Variants in HNF4G observed in about 807,000 individuals in gnomAD.
HNF4G encodes hepatocyte nuclear factor 4 gamma, also known as hepatocyte nuclear factor 4-gamma.
Under a neutral mutation model 50.9 loss-of-function variants are expected in HNF4G, and 21 were observed. The ratio of observed to expected loss-of-function variants is 0.41; its 90% CI spans 0.29 to 0.59. The LOEUF (loss-of-function observed/expected upper bound fraction) is 0.59, where lower values mean the gene tolerates loss of function less well. Ranked by LOEUF, HNF4G falls within the 20% of genes least tolerant of loss-of-function variation. HNF4G has a pLI of 0.26. For synonymous variants in HNF4G, 198 were observed against 185.6 expected, an observed-to-expected ratio of 1.07 and a Z score of -0.54; for missense variants, 527 against 559.4, an observed-to-expected ratio of 0.94 and a Z score of 0.58.
At chr8:75,435,588 A>T (rs1475850353) in intron 1 of HNF4G, among the ~76,000 whole-genome samples, 3 of 152,114 alleles carry the variant, frequency 2.0e-5, no homozygotes, top group Non-Finnish European at 4.4e-5. Context: ...TGAAAAGAAA[A>T]AAGTAATTTT....
chr8:75,556,594 TG>T (rs1488627951), intron 6 of HNF4G, among the ~76,000 whole-genome samples: 1 of 152,018 alleles, frequency 6.6e-6, no homozygotes, highest in East Asian at 1.9e-4. Context: ...ATAATAGGTG[TG>T]GGGTGGTGGG....
At position 75,540,994 on chromosome 8, in the gene HNF4G, T is replaced by C. The variant is rs575960490; in HGVS notation, c.118+914T>C. The stretch of plus-strand genomic sequence containing the variant: ...TCTATTTTTAATAAGCAGTTCCTTA[T>C]TAGTGGGGATTTTAAAAAATAGTCA... On this transcript the variant is annotated intron_variant, in intron 1 of 9. Transcript: ENST00000396423. Among the ~76,000 whole-genome samples the C allele has an allele frequency of 5.3e-5, 8 of 152,062 alleles. No individual in the cohort carries two copies. In the East Asian group the frequency reaches 1.4e-3, roughly 26 times the overall value.
intron 2 of HNF4G, among the ~76,000 whole-genome samples, chr8:75,500,646 A>G (rs1209767540): frequency 1.3e-5 from 2 of 152,150 alleles, no homozygotes; most frequent in Non-Finnish European, 2.9e-5. Flanking sequence ...GGATAAGAAA[A>G]TGGGTTATAT....
intron 1 of HNF4G, among the ~76,000 whole-genome samples, chr8:75,458,733 G>T (rs912323464): frequency 2.6e-5 from 4 of 152,044 alleles, no homozygotes; most frequent in Admixed American, 1.3e-4. Context: ...GCATAGTTCA[G>T]GTTGCGTCAA....
intron 1 of HNF4G, among the ~76,000 whole-genome samples, chr8:75,418,708 G>A (rs1210687545): frequency 6.8e-6 from 1 of 147,004 alleles, no homozygotes; most frequent in Non-Finnish European, 1.5e-5. Flanking sequence ...CTAGTGATAA[G>A]TCTCTCTCTC....
At chr8:75,473,915 T>G (rs1435702728) in intron 1 of HNF4G, among the ~76,000 whole-genome samples, 1 of 151,276 alleles carries the variant, frequency 6.6e-6, no homozygotes, top group Non-Finnish European at 1.5e-5. Flanking sequence ...GTGAACAATT[T>G]CACAGAAGGG....
chr8:75,443,505 A>C (rs937725454), intron 1 of HNF4G, among the ~76,000 whole-genome samples: 1 of 152,176 alleles, frequency 6.6e-6, no homozygotes, highest in Non-Finnish European at 1.5e-5. Flanking sequence ...GAATTCTATA[A>C]AATTTAAAGT....
rs1812704340 is a variant in HNF4G at position 75,494,207 on chromosome 8, CA to C, written c.-24+4000del. ...TGAGATTATAAACATGTATTCAATA[CA>C]TTCACAAGCAGCATGAAATAAATGA... On this transcript the variant is annotated intron_variant, in intron 2 of 10. Transcript: ENST00000354370. 4.6e-5 allele frequency among the ~76,000 whole-genome samples: 7 copies of C among 151,864 alleles called. No individual in the cohort carries two copies. The South Asian group carries it at 1.3e-3, about 27-fold the overall frequency.
intron 5 of HNF4G, 135 bp from the exon 6 acceptor site, chr8:75,555,847 A>G: frequency 2.3e-6 from 1 of 429,452 alleles, no homozygotes; most frequent in Non-Finnish European, 4.2e-6. Flanking sequence ...TAATGATGGC[A>G]TGTATCTATG....
At chr8:75,451,712 T>G (rs2130580617) in intron 1 of HNF4G, among the ~76,000 whole-genome samples, 1 of 152,356 alleles carries the variant, frequency 6.6e-6, no homozygotes, top group East Asian at 1.9e-4. Flanking sequence ...GTGCTTATTT[T>G]TATGCCAGCA....
intron 2 of HNF4G, among the ~76,000 whole-genome samples, chr8:75,492,477 G>A (rs990026402): frequency 2.6e-5 from 4 of 152,160 alleles, no homozygotes; most frequent in East Asian, 1.9e-4. Flanking sequence ...CCAGATGGGA[G>A]CATTATTGTG....
chr8:75,549,635 T>G (rs1806888599), intron 3 of HNF4G, among the ~76,000 whole-genome samples: 1 of 151,574 alleles, frequency 6.6e-6, no homozygotes, highest in African/African-American at 2.4e-5. Context: ...ATACTTTAAG[T>G]TTTAGGGTAC....
intron 1 of HNF4G, among the ~76,000 whole-genome samples, chr8:75,474,428 A>G (rs1383981862): frequency 1.3e-5 from 2 of 152,178 alleles, no homozygotes; most frequent in Admixed American, 6.6e-5. Context: ...ACCACTCTCC[A>G]TATTATGGCT....
chr8:75,492,295 C>T (rs1042616469), intron 2 of HNF4G, among the ~76,000 whole-genome samples: 8 of 152,170 alleles, frequency 5.3e-5, no homozygotes, highest in Middle Eastern at 6.8e-3. Context: ...TATGCATTAC[C>T]CTAAGTAGTG....
intron 2 of HNF4G, chr8:75,527,168 T>G (rs1806207518): frequency 6.6e-6 from 1 of 152,208 alleles, no homozygotes; most frequent in Admixed American, 6.5e-5. Flanking sequence ...AAGCATATTG[T>G]TGAACTACTA....
rs905545810 is a variant in HNF4G, at chr8:75,543,697, G to T, written c.119-114G>T. On this transcript the variant is annotated intron_variant, in intron 1 of 9. Transcript: ENST00000396423. ...GGGGTTAAAAGGAAAGCACCAGTGT[G>T]GGGTCTCCAAGAAGCCAATGAATGG... is the stretch of plus-strand genomic sequence containing the variant. 5.1e-6 allele frequency: 4 copies of T among 777,490 alleles called. No homozygotes were observed. In the Admixed American group the frequency reaches 1.2e-4, roughly 24 times the overall value. The allele number at this position is 777,490 out of a possible 1,614,324, so 48.2% of individuals were successfully genotyped here.
chr8:75,449,641 G>C (rs536914843), intron 1 of HNF4G, among the ~76,000 whole-genome samples: 2 of 151,258 alleles, frequency 1.3e-5, no homozygotes, highest in East Asian at 3.9e-4. Context: ...CTTGTAGCTG[G>C]GACTACAGGC....
At position 75,564,192 on chromosome 8, in the gene HNF4G, G is replaced by C; in HGVS notation, c.*96G>C. ...CACTTTTGGCAAACTCTTAGCCAAG[G>C]CTTCTTCATTGGTGCTGTTATAAGA... On this transcript the variant is annotated 3_prime_UTR_variant, in exon 10 of 10. Transcript: ENST00000396423. 7.9e-7 allele frequency: 1 copy of C among 1,262,792 alleles called. No individual in the cohort carries two copies. Among genetic ancestry groups the C allele is most frequent in the South Asian group, 1.4e-5 (1 of 73,404 alleles). 78.2% of individuals were successfully genotyped at this position (1,262,792 alleles called of 1,614,324 possible). A position where few individuals can be genotyped will look rare whatever the true frequency, so the allele number is the denominator to read the frequency against.
At chr8:75,413,639 C>T (rs769686090) in intron 1 of HNF4G, among the ~76,000 whole-genome samples, 4 of 151,774 alleles carry the variant, frequency 2.6e-5, no homozygotes, top group Admixed American at 6.6e-5. Context: ...GAGGCTGAGG[C>T]GGGTGGATCA....
Sources: allele counts gnomAD v4.1 joint callset (sites outside exome capture counted in the v4.1 genomes callset), GRCh38; gene constraint gnomAD v4.1.1; transcripts MANE v1.5; gene names NCBI Gene and HGNC (gene_info 2026-07-23, HGNC 2026-07-21).